Variants in ANO6 observed in about 807,000 individuals in gnomAD.
ANO6 encodes anoctamin 6.
In ANO6, 106 loss-of-function variants were observed where a neutral mutation model predicts 117.5. The ratio of observed to expected loss-of-function variants is 0.90; its 90% CI spans 0.77 to 1.06. ANO6 has a LOEUF of 1.06. Among genes scored for constraint, ANO6 ranks in the 50% least tolerant of loss-of-function variants. The pLI is 0.00. For synonymous variants in ANO6, 367 were observed against 385.1 expected (o/e 0.95, Z 0.55); for missense variants, 955 against 1,121.1 (o/e 0.85, Z 2.12).
At chr12:45,270,398 C>G (rs935404684) in intron 1 of ANO6, 114 of 1,476,518 alleles carry the variant, frequency 7.7e-5, no homozygotes, top group Non-Finnish European at 1.0e-4. Context: ...CCTGCTCTGT[C>G]TGCAGCCTAA....
At chr12:45,295,301 T>G (rs1939251082) in intron 1 of ANO6, among the ~76,000 whole-genome samples, 1 of 152,172 alleles carries the variant, frequency 6.6e-6, no homozygotes, top group Non-Finnish European at 1.5e-5. Flanking sequence ...ATATAGGAAG[T>G]AGAATTTCTC....
intron 1 of ANO6, among the ~76,000 whole-genome samples, chr12:45,267,158 C>G (rs573672551): frequency 3.0e-4 from 46 of 152,256 alleles, no homozygotes; most frequent in African/African-American, 1.1e-3. Context: ...ACAACAGACA[C>G]TTATTTTCTC....
chr12:45,433,736 C>A (rs1943676115), downstream of ANO6, among the ~76,000 whole-genome samples: 1 of 152,182 alleles, frequency 6.6e-6, no homozygotes. Context: ...GCAGTTCTCA[C>A]AATAGGGAGG....
chr12:45,284,768 G>A (rs1938853320), intron 1 of ANO6, among the ~76,000 whole-genome samples: 1 of 152,160 alleles, frequency 6.6e-6, no homozygotes, highest in Non-Finnish European at 1.5e-5. Flanking sequence ...GTAAATGATA[G>A]TTATTATGTG....
At chr12:45,317,310 C>G (rs1421272743) in intron 2 of ANO6, among the ~76,000 whole-genome samples, 1 of 109,328 alleles carries the variant, frequency 9.1e-6, no homozygotes, top group Non-Finnish European at 1.8e-5. Context: ...TGTGATGTTC[C>G]CCTTCCTGTG....
At chr12:45,372,372 T>C (rs1941868524) in intron 9 of ANO6, among the ~76,000 whole-genome samples, 1 of 139,330 alleles carries the variant, frequency 7.2e-6, no homozygotes, top group African/African-American at 2.7e-5. Flanking sequence ...GCCACAAAGA[T>C]ACTCCTCGAG....
intron 1 of ANO6, among the ~76,000 whole-genome samples, chr12:45,262,012 AC>A (rs1938053825): frequency 6.6e-6 from 1 of 152,228 alleles, no homozygotes; most frequent in East Asian, 1.9e-4. Flanking sequence ...ATTTTGATCC[AC>A]GTTTAACCTG....
intron 19 of ANO6, among the ~76,000 whole-genome samples, chr12:45,438,113 C>T (rs1453068446): frequency 1.3e-5 from 2 of 152,130 alleles, no homozygotes; most frequent in African/African-American, 4.8e-5. Flanking sequence ...CTCAGGCAAG[C>T]TGCCTCATCC....
intron 15 of ANO6, among the ~76,000 whole-genome samples, chr12:45,406,974 C>A (rs778832905): frequency 6.6e-6 from 1 of 152,108 alleles, no homozygotes; most frequent in African/African-American, 2.4e-5. Context: ...ATGGTAAATT[C>A]CTATGGAAAT....
intron 1 of ANO6, among the ~76,000 whole-genome samples, chr12:45,242,542 G>A (rs748992566): frequency 1.2e-4 from 19 of 152,218 alleles, no homozygotes; most frequent in Admixed American, 6.5e-4. Context: ...GTGAGGCGAC[G>A]CCCTGCCCTG....
At chr12:45,438,273 G>C (rs377038424) in intron 19 of ANO6, among the ~76,000 whole-genome samples, 1 of 148,600 alleles carries the variant, frequency 6.7e-6, no homozygotes, top group Middle Eastern at 3.2e-3. Context: ...GTGTGTGTGT[G>C]TGTATGTATG....
At chr12:45,312,585 C>T (rs1939882159) in intron 2 of ANO6, among the ~76,000 whole-genome samples, 1 of 151,922 alleles carries the variant, frequency 6.6e-6, no homozygotes, top group South Asian at 2.1e-4. Flanking sequence ...CTGTAGTTTT[C>T]CTTATTTTAA....
chr12:45,222,418 C>T (rs190121561), intron 1 of ANO6, among the ~76,000 whole-genome samples: 180 of 152,276 alleles, frequency 1.2e-3, no homozygotes, highest in Non-Finnish European at 1.9e-3. Flanking sequence ...GCCTCGGCCT[C>T]CCAAAGTGCT....
chr12:45,398,288 A>G (rs572454691), intron 12 of ANO6, among the ~76,000 whole-genome samples: 1 of 152,330 alleles, frequency 6.6e-6, no homozygotes, highest in African/African-American at 2.4e-5. Flanking sequence ...AATAACCATT[A>G]CAAAATGCCA....
intron 2 of ANO6, among the ~76,000 whole-genome samples, chr12:45,320,895 T>G (rs1300580090): frequency 6.6e-6 from 1 of 152,178 alleles, no homozygotes; most frequent in African/African-American, 2.4e-5. Context: ...TCTCTTTTGA[T>G]CTTTGTTGGT....
intron 2 of ANO6, among the ~76,000 whole-genome samples, chr12:45,312,962 A>AT (rs923564299): frequency 2.0e-5 from 3 of 152,082 alleles, no homozygotes; most frequent in East Asian, 1.9e-4. Context: ...AAAATTGTAG[A>AT]TTTTTTCCTG....
intron 1 of ANO6, among the ~76,000 whole-genome samples, chr12:45,241,915 T>G (rs961140733): frequency 6.6e-6 from 1 of 152,242 alleles, no homozygotes; most frequent in African/African-American, 2.4e-5. Flanking sequence ...ACAGCAAATG[T>G]TGCTGCCTGA....
At chr12:45,345,092 T>C (rs1941092449) in intron 3 of ANO6, among the ~76,000 whole-genome samples, 1 of 152,198 alleles carries the variant, frequency 6.6e-6, no homozygotes, top group Non-Finnish European at 1.5e-5. Context: ...TGCTACTCTA[T>C]TGTATGTTCA....
At chr12:45,306,000 G>C (rs1420044859) in intron 2 of ANO6, among the ~76,000 whole-genome samples, 7 of 152,152 alleles carry the variant, frequency 4.6e-5, no homozygotes, top group Non-Finnish European at 8.8e-5. Context: ...CAGGAACTCA[G>C]ATGGGCCAGT....
Sources: allele counts gnomAD v4.1 joint callset (sites outside exome capture counted in the v4.1 genomes callset), GRCh38; gene constraint gnomAD v4.1.1; transcripts MANE v1.5; gene names NCBI Gene and HGNC (gene_info 2026-07-23, HGNC 2026-07-21).